The following SGSM2 variants were observed in gnomAD, a reference collection of about 807,000 sequenced individuals.
SGSM2 encodes the protein RUN and TBC1 domain containing 1.
Under a neutral mutation model 126.6 loss-of-function variants are expected in SGSM2, and 89 were observed. The ratio of observed to expected loss-of-function variants is 0.70; its 90% CI spans 0.59 to 0.84. SGSM2 has a LOEUF of 0.84. Ranked by LOEUF, SGSM2 falls within the 40% of genes least tolerant of loss-of-function variation. The probability of loss-of-function intolerance (pLI) is 0.00; values close to 1 mark genes in which losing one functional copy is unlikely to be tolerated. For missense variants in SGSM2, 1,404 were observed against 1,416.6 expected (o/e 0.99, Z 0.14); for synonymous variants, 614 against 574.3 (o/e 1.07, Z -0.99).
chr17:2,372,093 C>T lies in SGSM2; in HGVS notation c.1578-97C>T. 3 of 1,427,982 alleles carry T rather than the reference C, an allele frequency of 2.1e-6. No individual in the cohort carries two copies. The South Asian group carries it at 3.5e-5, about 17-fold the overall frequency. The allele number at this position is 1,427,982 out of a possible 1,614,324, so 88.5% of individuals were successfully genotyped here. A position where few individuals can be genotyped will look rare whatever the true frequency, so the allele number is the denominator to read the frequency against. The stretch of plus-strand genomic sequence containing the variant: ...CCTCCTCCTCGCACCCTCCCCAGTG[C>T]CTTACCTGCCCCCCAGGACAGAGCC... On this transcript the variant is annotated intron_variant, in intron 13 of 23. Coordinates refer to ENST00000268989, the MANE Select transcript of SGSM2 (RefSeq NM_014853.3). The surrounding 1 kb of genome is among the most constrained non-coding windows in gnomAD (Gnocchi z 6.0).
chr17:2,373,573 A>G (rs2065987959), intron 17 of SGSM2, 60 bp downstream of exon 17: 2 of 1,466,902 alleles, frequency 1.4e-6, no homozygotes, highest in Admixed American at 3.8e-5. Flanking sequence ...TTTTATGCAC[A>G]GTGGTCCTGA....
chr17:2,373,176 C>A (rs1376499120), intron 16 of SGSM2, 95 bp downstream of exon 16: 3 of 1,563,534 alleles, frequency 1.9e-6, no homozygotes, highest in East Asian at 2.3e-5. Context: ...CCCTTCCCAG[C>A]CGGAAAGAAG....
chr17:2,379,079 G>A lies in SGSM2; in HGVS notation c.2943G>A (p.Trp981Ter), dbSNP rs1271904074. The A allele has an allele frequency of 6.2e-7, 1 of 1,614,184 alleles. No individual in the cohort carries two copies. The highest frequency in any genetic ancestry group is 1.7e-5 in the Admixed American group (1 of 60,018). ...EDVFAVWEVI[W>*]AARHISSEHF... The stretch of plus-strand genomic sequence containing the variant: ...TGTTTGCTGTGTGGGAGGTGATCTG[G>A]GCAGCCAGGCACATCTCATCGGAGC... Residue 981 changes from tryptophan to a stop codon, truncating the protein, a stop_gained, in exon 23 of 24, where the codon TGG (tryptophan) becomes TGA (stop). Transcript: ENST00000268989. LOFTEE classifies it high-confidence loss of function.
chr17:2,376,858 GA>G, intron 20 of SGSM2, 43 bp downstream of exon 20: 1 of 1,612,316 alleles, frequency 6.2e-7, no homozygotes, highest in Non-Finnish European at 8.5e-7. Context: ...GTAAGCTGGA[GA>G]AAGGACGAGA....
chr17:2,371,222 G>A (rs1347906895), intron 12 of SGSM2, 40 bp from the exon 13 acceptor site: 4 of 1,588,236 alleles, frequency 2.5e-6, no homozygotes, highest in African/African-American at 2.7e-5. Flanking sequence ...GGGAGAGAAG[G>A]TGTCTCAGGC....
rs2065355424 is a variant in SGSM2, at chr17:2,362,422, C to A, written c.458+152C>A. 2.9e-6 allele frequency: 3 copies of A among 1,030,732 alleles called. No individual in the cohort carries two copies. The Admixed American group carries it at 8.7e-5, about 30-fold the overall frequency. The allele number at this position is 1,030,732 out of a possible 1,614,324, so 63.8% of individuals were successfully genotyped here. A position where few individuals can be genotyped will look rare whatever the true frequency, so the allele number is the denominator to read the frequency against. ...CCGTTCCCCCCAAAACTGCAGGTGA[C>A]CGCCCCGTTCCCAAAAACTGCAGGT... On this transcript the variant is annotated intron_variant, in intron 4 of 23. Coordinates refer to ENST00000268989, the MANE Select transcript of SGSM2 (RefSeq NM_014853.3). This position sits in a 1 kb window ranked among gnomAD's most constrained non-coding sequence, Gnocchi z 4.9.
Position 2,362,327 on chromosome 17 carries a change from C to A in SGSM2, c.458+57C>A. On this transcript the variant is annotated intron_variant, in intron 4 of 23. Coordinates refer to ENST00000268989, the MANE Select transcript of SGSM2 (RefSeq NM_014853.3). The surrounding 1 kb of genome is among the most constrained non-coding windows in gnomAD (Gnocchi z 4.9). ...GACCACCCCGTTCCCCCCAAAACTG[C>A]AGGTGACCGCCCCGTTCCCCAAAAA... 1.3e-6 allele frequency: 2 copies of A among 1,542,008 alleles called. No individual in the cohort carries two copies. Among genetic ancestry groups the A allele is most frequent in the South Asian group, 2.4e-5 (2 of 83,450 alleles).
Position 2,364,650 on chromosome 17 carries a change from C to G in SGSM2, c.987C>G (p.His329Gln). The G allele has an allele frequency of 6.2e-7, 1 of 1,614,232 alleles. No homozygotes were observed. Among genetic ancestry groups the G allele is most frequent in the South Asian group, 1.1e-5 (1 of 91,088 alleles). The change falls in exon 9 of 24, where the codon CAC (histidine) becomes CAG (glutamine). Residue 329 changes from histidine (H) to glutamine (Q), a missense_variant. His to Gln is a conservative substitution (Grantham distance 24, BLOSUM62 0). Coordinates refer to ENST00000268989, the MANE Select transcript of SGSM2 (RefSeq NM_014853.3). ...VVPFSQVVCIHCHQQKSGGTL... is the reference protein window; with the variant it reads ...VVPFSQVVCIQCHQQKSGGTL... ...CCTTCAGCCAGGTCGTGTGCATCCA[C>G]TGCCACCAGCAAAGTAAGCCTGCCT...
chr17:2,375,552 C>G lies in SGSM2; in HGVS notation c.2161C>G (p.Pro721Ala). The change falls in exon 18 of 24, where the codon CCA becomes GCA. Residue 721 changes from proline (P) to alanine (A), a missense_variant. By Grantham distance (27) the Pro-to-Ala change is conservative. Coordinates refer to ENST00000268989, the MANE Select transcript of SGSM2 (RefSeq NM_014853.3). ...GCCCCAGGACCCTGAAGATTCCAGA[C>G]CAAAACCTGAGCAGGAAGCAGGACC... Reference protein sequence around the residue: ...PEPQDPEDSRPKPEQEAGPGT... With the variant: ...PEPQDPEDSRAKPEQEAGPGT... The G allele has an allele frequency of 3.7e-6, 6 of 1,613,846 alleles. No individual in the cohort carries two copies. Among genetic ancestry groups the G allele is most frequent in the Non-Finnish European group, 5.1e-6 (6 of 1,180,000 alleles).
Position 2,371,318 on chromosome 17 carries a change from C to G in SGSM2, c.1480C>G (p.Leu494Val). Residue 494 changes from leucine (L) to valine (V), a missense_variant, in exon 13 of 24, where the codon CTG becomes GTG. Leu to Val is a conservative substitution (Grantham distance 32). Transcript: ENST00000268989. The part of the protein sequence containing the change: ...GFGPSLPAWH[L>V]EPLCSQGSSC... ...TGGGCCCAGCCTGCCAGCCTGGCAC[C>G]TGGAGCCCCTGTGCAGTCAGGGCTC... 6.2e-7 allele frequency: 1 copy of G among 1,612,526 alleles called. No homozygotes were observed. The highest frequency in any genetic ancestry group is 1.3e-5 in the African/African-American group (1 of 75,042).
Position 2,363,211 on chromosome 17 carries a change from C to T in SGSM2, c.672+77C>T. 6.7e-7 allele frequency: 1 copy of T among 1,495,018 alleles called. No homozygotes were observed. Among genetic ancestry groups the T allele is most frequent in the Non-Finnish European group, 8.9e-7 (1 of 1,121,504 alleles). The allele number at this position is 1,495,018 out of a possible 1,614,324, so 92.6% of individuals were successfully genotyped here. A position where few individuals can be genotyped will look rare whatever the true frequency, so the allele number is the denominator to read the frequency against. On this transcript the variant is annotated intron_variant, in intron 6 of 23. Transcript: ENST00000268989. The surrounding 1 kb of genome is among the most constrained non-coding windows in gnomAD (Gnocchi z 4.2). ...CTGTAGGGACGGGAAACCGGCCTCTCTACGGGACAGGCCTTGGAGATGCCC... is the reference window on the plus strand; with the variant it reads ...CTGTAGGGACGGGAAACCGGCCTCTTTACGGGACAGGCCTTGGAGATGCCC...
chr17:2,350,815 G>A (rs1037315167), intron 2 of SGSM2, among the ~76,000 whole-genome samples: 13 of 152,182 alleles, frequency 8.5e-5, no homozygotes, highest in Non-Finnish European at 1.5e-4. Context: ...GTAGGCAGGG[G>A]CCGAGAAGCC....
chr17:2,340,713 T>C (rs1443214091), intron 1 of SGSM2, among the ~76,000 whole-genome samples: 1 of 151,882 alleles, frequency 6.6e-6, no homozygotes. Context: ...GCCTTCTGAG[T>C]AGCTGGGACT....
intron 2 of SGSM2, among the ~76,000 whole-genome samples, chr17:2,358,347 C>T (rs761551830): frequency 2.6e-5 from 4 of 152,082 alleles, no homozygotes; most frequent in Non-Finnish European, 4.4e-5. Flanking sequence ...TCACTAGATG[C>T]GGGATGGCAT....
chr17:2,351,314 T>C (rs2064842509), intron 2 of SGSM2, among the ~76,000 whole-genome samples: 1 of 150,904 alleles, frequency 6.6e-6, no homozygotes, highest in Non-Finnish European at 1.5e-5. Flanking sequence ...CCAGACTCTG[T>C]GCTGCCCAGG....
rs1410433216 is a variant in SGSM2, at chr17:2,380,286, G to A, written c.*766G>A. The A allele has an allele frequency of 1.3e-6, 2 of 1,536,006 alleles. No individual in the cohort carries two copies. The highest frequency in any genetic ancestry group is 1.7e-6 in the Non-Finnish European group (2 of 1,146,902). ...TTAGGTACTTCCCTGAAAACCACGT[G>A]TAAGAAGTGATGCTTTTGCCAGTGG... is the stretch of plus-strand genomic sequence containing the variant. On this transcript the variant is annotated 3_prime_UTR_variant, in exon 24 of 24. Coordinates refer to ENST00000268989, the MANE Select transcript of SGSM2 (RefSeq NM_014853.3).
chr17:2,377,553 C>T lies in SGSM2; in HGVS notation c.2803-304C>T, dbSNP rs140007786. 1.8e-4 allele frequency: 46 copies of T among 252,114 alleles called. No homozygotes were observed. The Middle Eastern group carries it at 4.2e-3, about 23-fold the overall frequency. The allele number at this position is 252,114 out of a possible 1,614,324, so 15.6% of individuals were successfully genotyped here. A position where few individuals can be genotyped will look rare whatever the true frequency, so the allele number is the denominator to read the frequency against. The stretch of plus-strand genomic sequence containing the variant: ...AGGAGTGTGTGTGTGTGTGAATGCT[C>T]GTGCCCATGAAAGTTCTGGCGAACA... On this transcript the variant is annotated intron_variant, in intron 21 of 23. Coordinates refer to ENST00000268989, the MANE Select transcript of SGSM2 (RefSeq NM_014853.3).
intron 2 of SGSM2, 55 bp downstream of exon 2, chr17:2,343,675 C>A (rs375756618): frequency 1.1e-4 from 171 of 1,526,432 alleles, no homozygotes; most frequent in Non-Finnish European, 1.4e-4. Flanking sequence ...AGGACACTGG[C>A]CTGGGGCCAG....
chr17:2,339,631 C>A (rs1399774342), intron 1 of SGSM2, among the ~76,000 whole-genome samples: 1 of 151,182 alleles, frequency 6.6e-6, no homozygotes, highest in African/African-American at 2.4e-5. Context: ...TGGCATGAAC[C>A]CGGGAGGCAG....
Sources: gnomAD v4.1 joint callset for allele counts (sites outside exome capture counted in the v4.1 genomes callset) on GRCh38, gnomAD v4.1.1 for gene constraint, Gnocchi (gnomAD v3.1) non-coding constraint, MANE v1.5 for transcripts, NCBI Gene and HGNC (gene_info 2026-07-23, HGNC 2026-07-21) for gene names.